The following FREM1 variants were observed in gnomAD, a reference collection of about 807,000 sequenced individuals.
FREM1 encodes the protein FRAS1-related extracellular matrix protein 1.
Under a neutral mutation model 210.1 loss-of-function variants are expected in FREM1, and 220 were observed. The observed-to-expected ratio is 1.05, with a 90% confidence interval of 0.94 to 1.17. FREM1 has a LOEUF of 1.17. FREM1 is among the 50% of genes most tolerant of loss of function. The probability of loss-of-function intolerance (pLI) is 0.00; values close to 1 mark genes in which losing one functional copy is unlikely to be tolerated. For missense variants in FREM1, 3,454 were observed against 2,675.5 expected (o/e 1.29, Z -6.42); for synonymous variants, 1,189 against 980.2 (o/e 1.21, Z -3.98).
chr9:14,906,908 G>A (rs1050430716), intron 1 of FREM1, among the ~76,000 whole-genome samples: 1 of 152,202 alleles, frequency 6.6e-6, no homozygotes, highest in African/African-American at 2.4e-5. Flanking sequence ...AGCCAGATAA[G>A]AAAGTTTCAA....
chr9:14,742,019 A>G (rs901077320), intron 35 of FREM1, among the ~76,000 whole-genome samples: 99 of 152,194 alleles, frequency 6.5e-4, no homozygotes, highest in African/African-American at 2.1e-3. Context: ...AAATGTTAAG[A>G]GCATAGTTAT....
At chr9:14,860,700 T>C (rs1447882079) in intron 3 of FREM1, among the ~76,000 whole-genome samples, 1 of 112,044 alleles carries the variant, frequency 8.9e-6, no homozygotes, top group Non-Finnish European at 1.7e-5. Context: ...TATACACACA[T>C]ATATACACAC....
At chr9:14,861,660 C>T (rs1053610400) in intron 3 of FREM1, among the ~76,000 whole-genome samples, 7 of 151,836 alleles carry the variant, frequency 4.6e-5, no homozygotes, top group Admixed American at 6.6e-5. Context: ...GTGCCTGCCA[C>T]CACTCCCAGC....
At chr9:14,764,615 A>G (rs1355975847) in intron 27 of FREM1, among the ~76,000 whole-genome samples, 2 of 152,132 alleles carry the variant, frequency 1.3e-5, no homozygotes, top group East Asian at 1.9e-4. Context: ...CGTTGCCACA[A>G]CTGGGAAGAG....
intron 1 of FREM1, among the ~76,000 whole-genome samples, chr9:14,871,546 T>A (rs1460201729): frequency 6.6e-6 from 1 of 152,234 alleles, no homozygotes; most frequent in Non-Finnish European, 1.5e-5. Flanking sequence ...TTGTAGATTC[T>A]GGATATTAGC....
chr9:14,743,019 G>T (rs534887579), intron 35 of FREM1, among the ~76,000 whole-genome samples: 2 of 152,158 alleles, frequency 1.3e-5, no homozygotes, highest in South Asian at 4.1e-4. Context: ...GTAGATAAGA[G>T]AAGTGATGGA....
intron 1 of FREM1, among the ~76,000 whole-genome samples, chr9:14,876,206 A>G (rs1001994067): frequency 1.3e-5 from 2 of 152,136 alleles, no homozygotes; most frequent in African/African-American, 4.8e-5. Flanking sequence ...CTCTCTTCAA[A>G]GCTGTCAGAC....
intron 8 of FREM1, among the ~76,000 whole-genome samples, 172 bp downstream of exon 8, chr9:14,845,788 C>A (rs1329154357): frequency 6.6e-6 from 1 of 152,204 alleles, no homozygotes; most frequent in Non-Finnish European, 1.5e-5. Context: ...AGACATTGAT[C>A]TGAGCATTTG....
intron 9 of FREM1, 69 bp from the exon 10 acceptor site, chr9:14,841,658 G>C (rs1825716259): frequency 2.4e-6 from 3 of 1,260,590 alleles, no homozygotes; most frequent in Non-Finnish European, 3.2e-6. Context: ...AATGATATTG[G>C]ACTTATCTTC....
At chr9:14,820,758 C>G (rs780008577) in intron 13 of FREM1, among the ~76,000 whole-genome samples, 7 of 152,204 alleles carry the variant, frequency 4.6e-5, no homozygotes, top group Non-Finnish European at 2.9e-5. Context: ...CAACTACCCC[C>G]ACCCTGACCT....
chr9:14,882,850 T>C (rs1284176710), intron 1 of FREM1, among the ~76,000 whole-genome samples: 7 of 128,788 alleles, frequency 5.4e-5, no homozygotes, highest in Non-Finnish European at 1.1e-4. Flanking sequence ...GAGGCAGAGG[T>C]TGCAATGAGC....
intron 3 of FREM1, among the ~76,000 whole-genome samples, chr9:14,860,021 C>T (rs934810205): frequency 3.3e-5 from 5 of 152,112 alleles, no homozygotes; most frequent in African/African-American, 1.2e-4. Context: ...ACTTTAATCT[C>T]AGGTTGTTTG....
intron 36 of FREM1, among the ~76,000 whole-genome samples, chr9:14,739,589 C>T (rs4297129): frequency 0.12 from 18,146 of 146,412 alleles, 1,249 homozygotes; most frequent in Non-Finnish European, 0.15. Flanking sequence ...ATACATACAC[C>T]ACATGCATAT....
At chr9:14,866,392 G>A (rs1380710047) in intron 2 of FREM1, among the ~76,000 whole-genome samples, 1 of 152,180 alleles carries the variant, frequency 6.6e-6, no homozygotes, top group Admixed American at 6.5e-5. Context: ...ATATAATGGG[G>A]ACAATTTTAT....
In FREM1 at chr9:14,826,700, C is replaced by T. The variant is rs1386374203; in HGVS notation, c.1882-1708G>A. On this transcript the variant is annotated intron_variant, in intron 10 of 36. Coordinates refer to ENST00000380880, the MANE Select transcript of FREM1 (RefSeq NM_001379081.2). ...GCAGGGCCATTAGTAGTGATTGGAC[C>T]ATGAGGTTGAATTCATGAGGGTCTA... Among the ~76,000 whole-genome samples, 3 of 152,114 alleles carry T rather than the reference C, an allele frequency of 2.0e-5. No individual in the cohort carries two copies. In the East Asian group the frequency reaches 5.8e-4, roughly 29 times the overall value.
intron 1 of FREM1, among the ~76,000 whole-genome samples, chr9:14,878,295 T>C (rs186562509): frequency 9.9e-5 from 15 of 152,212 alleles, no homozygotes; most frequent in African/African-American, 3.4e-4. Context: ...ATATCTTTGC[T>C]TTTCCTCAAA....
At chr9:14,754,671 T>C (rs1843971650) in intron 29 of FREM1, among the ~76,000 whole-genome samples, 1 of 152,120 alleles carries the variant, frequency 6.6e-6, no homozygotes, top group Admixed American at 6.5e-5. Flanking sequence ...CAGTGACTCA[T>C]GCCTGTAATC....
chr9:14,767,871 A>G (rs943100430), intron 27 of FREM1, among the ~76,000 whole-genome samples: 13 of 152,170 alleles, frequency 8.5e-5, no homozygotes, highest in African/African-American at 3.1e-4. Context: ...ATGCCACAGC[A>G]TTTTGTTCAG....
intron 3 of FREM1, among the ~76,000 whole-genome samples, chr9:14,862,762 T>C (rs1830806901): frequency 6.6e-6 from 1 of 152,220 alleles, no homozygotes. Flanking sequence ...TGGCTTCTTT[T>C]ACTTGGCATA....
Sources: allele counts gnomAD v4.1 joint callset (sites outside exome capture counted in the v4.1 genomes callset), GRCh38; gene constraint gnomAD v4.1.1; transcripts MANE v1.5; gene names NCBI Gene and HGNC (gene_info 2026-07-23, HGNC 2026-07-21).